The following MORC1 variants were observed in gnomAD, a reference collection of about 807,000 sequenced individuals.
The protein encoded by MORC1 is MORC family CW-type zinc finger 1, also known as MORC family CW-type zinc finger protein 1.
In MORC1, 59 loss-of-function variants were observed where a neutral mutation model predicts 134.9. The observed-to-expected ratio is 0.44, with a 90% CI of 0.35 to 0.54. The LOEUF (loss-of-function observed/expected upper bound fraction) is 0.54. Ranked by LOEUF, MORC1 falls within the 20% of genes least tolerant of loss-of-function variation. The probability of loss-of-function intolerance (pLI) is 0.00; values close to 1 mark genes in which losing one functional copy is unlikely to be tolerated. For missense variants in MORC1, 947 were observed against 1,134.5 expected, an observed-to-expected ratio of 0.83 and a Z score of 2.37; for synonymous variants, 395 against 391.7, an observed-to-expected ratio of 1.01 and a Z score of -0.10.
chr3:109,092,908 A>G (rs774976089), intron 8 of MORC1, among the ~76,000 whole-genome samples: 10 of 152,178 alleles, frequency 6.6e-5, no homozygotes, highest in Non-Finnish European at 1.5e-4. Context: ...TTTTGTTGCT[A>G]TTTCATTCTT....
intron 21 of MORC1, among the ~76,000 whole-genome samples, chr3:108,989,369 T>C (rs1346683451): frequency 1.3e-5 from 2 of 152,204 alleles, no homozygotes; most frequent in Admixed American, 1.3e-4. Context: ...TAGCTAAGTC[T>C]TAACATAGAG....
intron 15 of MORC1, among the ~76,000 whole-genome samples, chr3:109,034,453 T>C (rs1298459741): frequency 3.3e-5 from 5 of 152,218 alleles, no homozygotes. Context: ...TATCCTCCTA[T>C]GGAAAAAATT....
chr3:108,972,976 C>T (rs1361532607), intron 24 of MORC1, among the ~76,000 whole-genome samples: 3 of 152,140 alleles, frequency 2.0e-5, no homozygotes, highest in African/African-American at 7.2e-5. Context: ...GATTAGTTCT[C>T]GATTACTTTC....
chr3:109,093,680 C>T, intron 7 of MORC1, 139 bp from the exon 8 acceptor site: 2 of 627,778 alleles, frequency 3.2e-6, no homozygotes, highest in Non-Finnish European at 2.7e-6. Flanking sequence ...GTTTGGCTAA[C>T]TCTTTGGCTA....
At chr3:109,053,615 G>A (rs1212690764) in intron 14 of MORC1, among the ~76,000 whole-genome samples, 4 of 151,980 alleles carry the variant, frequency 2.6e-5, no homozygotes, top group Non-Finnish European at 5.9e-5. Context: ...TAGACACTGA[G>A]GAATATAAAA....
chr3:109,003,537 A>G (rs7620603), intron 20 of MORC1, among the ~76,000 whole-genome samples: 64,191 of 151,908 alleles, frequency 0.42, 14,278 homozygotes, highest in Middle Eastern at 0.55. Flanking sequence ...CATGCAACAT[A>G]TCTATACAAT....
intron 26 of MORC1, among the ~76,000 whole-genome samples, chr3:108,966,333 CTAA>C (rs1490973972): frequency 1.3e-5 from 2 of 152,146 alleles, no homozygotes; most frequent in Admixed American, 1.3e-4. Flanking sequence ...CTCCAAAATC[CTAA>C]TGAGTTTGTG....
At chr3:109,070,144 A>G (rs1018391415) in intron 8 of MORC1, among the ~76,000 whole-genome samples, 13 of 152,228 alleles carry the variant, frequency 8.5e-5, no homozygotes, top group South Asian at 2.1e-4. Flanking sequence ...CTAGGCTCAC[A>G]TGAATAAAAA....
intron 23 of MORC1, among the ~76,000 whole-genome samples, chr3:108,980,937 T>C (rs1947700986): frequency 6.6e-6 from 1 of 151,852 alleles, no homozygotes; most frequent in Admixed American, 6.6e-5. Flanking sequence ...GGAACTAGAG[T>C]TTCTTTGAAG....
chr3:109,007,218 G>T, intron 17 of MORC1, 127 bp from the exon 18 acceptor site: 1 of 643,548 alleles, frequency 1.6e-6, no homozygotes, highest in Non-Finnish European at 2.6e-6. Context: ...ATGAATAATT[G>T]TTCAAGGAGT....
intron 17 of MORC1, among the ~76,000 whole-genome samples, chr3:109,008,484 T>C (rs1275201058): frequency 6.6e-6 from 1 of 151,344 alleles, no homozygotes; most frequent in African/African-American, 2.4e-5. Context: ...ATTGCTATTA[T>C]TATTATTGAT....
At chr3:109,038,509 G>C (rs1450797072) in intron 14 of MORC1, among the ~76,000 whole-genome samples, 1 of 152,084 alleles carries the variant, frequency 6.6e-6, no homozygotes, top group African/African-American at 2.4e-5. Flanking sequence ...TGAAGCCTTT[G>C]TCCATGCCTA....
chr3:108,978,297 T>C (rs1449691571), intron 24 of MORC1, among the ~76,000 whole-genome samples: 3 of 152,188 alleles, frequency 2.0e-5, no homozygotes, highest in Non-Finnish European at 4.4e-5. Context: ...GGTCAGAACT[T>C]GGTGTTCTGG....
Position 109,000,629 on chromosome 3 carries a change from C to G in MORC1, c.2115G>C (p.Gln705His). 1 of 1,610,918 alleles carries G rather than the reference C, an allele frequency of 6.2e-7. No homozygotes were observed. The highest frequency in any genetic ancestry group is 1.3e-5 in the African/African-American group (1 of 74,972). Reference sequence around the variant, plus strand: ...TACATTCCTCTACAAAGTTCAGACTCTGCTTCCTTTTCATTTCCCAAGAAG... The same window carrying G: ...TACATTCCTCTACAAAGTTCAGACTGTGCTTCCTTTTCATTTCCCAAGAAG... Reference protein sequence around the residue: ...QAASWEMKRKQSLNFVEECKV... With the variant: ...QAASWEMKRKHSLNFVEECKV... The change falls in exon 21 of 28, where the codon CAG becomes CAC. Residue 705 changes from glutamine (Q) to histidine (H), a missense_variant. Transcript: ENST00000232603.
chr3:108,990,422 G>A (rs528030903), intron 21 of MORC1, among the ~76,000 whole-genome samples: 2 of 152,062 alleles, frequency 1.3e-5, no homozygotes, highest in African/African-American at 4.8e-5. Context: ...CTCCTCTCAC[G>A]TCTTTGGCTT....
intron 25 of MORC1, among the ~76,000 whole-genome samples, chr3:108,970,575 T>G (rs941337183): frequency 6.6e-6 from 1 of 152,230 alleles, no homozygotes; most frequent in Non-Finnish European, 1.5e-5. Flanking sequence ...CAGACTCATA[T>G]AGTCCCTCTG....
chr3:108,976,560 T>C (rs1017446676), intron 24 of MORC1, among the ~76,000 whole-genome samples: 13 of 152,166 alleles, frequency 8.5e-5, no homozygotes, highest in African/African-American at 2.2e-4. Context: ...CTGGTGAAAT[T>C]TGAGAAAACA....
chr3:109,011,592 G>GCTCAC (rs1162460986), intron 17 of MORC1, among the ~76,000 whole-genome samples: 8 of 151,398 alleles, frequency 5.3e-5, no homozygotes, highest in Non-Finnish European at 1.2e-4. Flanking sequence ...CACAATCTGA[G>GCTCAC]CTCACCGCAA....
intron 14 of MORC1, among the ~76,000 whole-genome samples, chr3:109,042,730 A>G (rs1949583286): frequency 6.6e-6 from 1 of 152,208 alleles, no homozygotes; most frequent in Admixed American, 6.5e-5. Flanking sequence ...TACCTATACA[A>G]TGGAATACTA....
Sources: allele counts gnomAD v4.1 joint callset (sites outside exome capture counted in the v4.1 genomes callset), GRCh38; gene constraint gnomAD v4.1.1; transcripts MANE v1.5; gene names NCBI Gene and HGNC (gene_info 2026-07-23, HGNC 2026-07-21).